Variants in FAM168A observed in about 807,000 individuals in gnomAD.
The protein encoded by FAM168A is protein FAM168A.
In FAM168A, 3 loss-of-function variants were observed where a neutral mutation model predicts 28.5. That is an observed-to-expected ratio of 0.11 (90% CI 0.05 to 0.27). The LOEUF is 0.27. Among genes scored for constraint, FAM168A ranks in the 10% least tolerant of loss-of-function variants. The pLI is 1.00. For synonymous variants in FAM168A, 122 were observed against 124.2 expected (o/e 0.98, Z 0.12); for missense variants, 222 against 311.5 (o/e 0.71, Z 2.16).
intron 2 of FAM168A, among the ~76,000 whole-genome samples, chr11:73,445,415 G>GTCTCTCTC (rs1565248220): frequency 3.1e-4 from 30 of 97,108 alleles, no homozygotes; most frequent in African/African-American, 1.1e-3. Context: ...ATGTAAAAAT[G>GTCTCTCTC]TCTCTTTTTT....
chr11:73,447,557 CAA>C (rs1183575850), intron 2 of FAM168A, among the ~76,000 whole-genome samples: 6,957 of 89,342 alleles, frequency 0.078, 592 homozygotes, highest in African/African-American at 0.24. Flanking sequence ...GACCCTGTCT[CAA>C]AAAAAAAAAA....
At chr11:73,563,148 T>C (rs998828690) in intron 1 of FAM168A, among the ~76,000 whole-genome samples, 1 of 152,232 alleles carries the variant, frequency 6.6e-6, no homozygotes, top group East Asian at 1.9e-4. Flanking sequence ...CAGGATTTCA[T>C]CCCCATCAGG....
At chr11:73,577,581 T>C (rs1944191448) in intron 1 of FAM168A, among the ~76,000 whole-genome samples, 2 of 152,216 alleles carry the variant, frequency 1.3e-5, no homozygotes, top group South Asian at 4.1e-4. Context: ...TACAATTCAC[T>C]TTCAGAATTC....
At chr11:73,542,707 T>C (rs1165872830) in intron 1 of FAM168A, among the ~76,000 whole-genome samples, 1 of 152,198 alleles carries the variant, frequency 6.6e-6, no homozygotes, top group Non-Finnish European at 1.5e-5. Flanking sequence ...GTCATTACCA[T>C]GACTTACCAG....
chr11:73,572,242 C>T (rs376431760), intron 1 of FAM168A, among the ~76,000 whole-genome samples: 2,714 of 151,606 alleles, frequency 0.018, 64 homozygotes, highest in African/African-American at 0.055. Flanking sequence ...CCGCCCCGTC[C>T]GGGAGGGAGG....
At chr11:73,576,079 A>T (rs1270516913) in intron 1 of FAM168A, among the ~76,000 whole-genome samples, 6 of 152,234 alleles carry the variant, frequency 3.9e-5, no homozygotes, top group Admixed American at 3.9e-4. Context: ...AATTTTCATC[A>T]AATATTTTGG....
chr11:73,588,521 T>A (rs775795751), intron 1 of FAM168A, among the ~76,000 whole-genome samples: 1 of 151,916 alleles, frequency 6.6e-6, no homozygotes, highest in East Asian at 1.9e-4. Flanking sequence ...TGAAATCCCG[T>A]CTCTATGAAA....
chr11:73,457,782 T>TA (rs1201147504), intron 2 of FAM168A, among the ~76,000 whole-genome samples: 2 of 135,668 alleles, frequency 1.5e-5, no homozygotes, highest in Admixed American at 1.4e-4. Flanking sequence ...AAAAAAAGGC[T>TA]AAAATGGTAA....
At position 73,497,896 on chromosome 11, in the gene FAM168A, C is replaced by T. The variant is rs532150883; in HGVS notation, c.-18-29404G>A. Among the ~76,000 whole-genome samples, 5 of 152,138 alleles carry T rather than the reference C, an allele frequency of 3.3e-5. No individual in the cohort carries two copies. The South Asian group carries it at 1.0e-3, about 32-fold the overall frequency. ...GGCACATGTACCCTAGAACTTAAAG[C>T]ATAATAAAAATAAATAAAACTCAAA... On this transcript the variant is annotated intron_variant, in intron 1 of 7. Transcript: ENST00000356467.
chr11:73,426,310 G>C (rs1413459404), intron 3 of FAM168A, among the ~76,000 whole-genome samples: 1 of 152,198 alleles, frequency 6.6e-6, no homozygotes, highest in Non-Finnish European at 1.5e-5. Context: ...ATCATTAAGA[G>C]CTTGGGAAAA....
chr11:73,424,956 C>A lies in FAM168A; in HGVS notation c.152-4957G>T, dbSNP rs1322301621. The A allele has an allele frequency of 8.3e-6, 11 of 1,330,184 alleles. No individual in the cohort carries two copies. In the Admixed American group the frequency reaches 2.7e-4, roughly 32 times the overall value. 82.4% of individuals were successfully genotyped at this position (1,330,184 alleles called of 1,614,324 possible). ...ATTTGGGGAGGAGAGGAGAGGGGAT[C>A]TACCATTGTTACGAGAGAACACATT... On this transcript the variant is annotated intron_variant, in intron 3 of 7. Coordinates refer to ENST00000356467, the MANE Select transcript of FAM168A (RefSeq NM_015159.3).
At chr11:73,583,258 A>C (rs1944271166) in intron 1 of FAM168A, among the ~76,000 whole-genome samples, 1 of 152,122 alleles carries the variant, frequency 6.6e-6, no homozygotes, top group South Asian at 2.1e-4. Flanking sequence ...AGCCGAGATC[A>C]CGCCACTGCA....
chr11:73,530,375 A>T (rs989416154), intron 1 of FAM168A, among the ~76,000 whole-genome samples: 17 of 152,204 alleles, frequency 1.1e-4, no homozygotes, highest in African/African-American at 3.6e-4. Flanking sequence ...TGCTGGAAGG[A>T]GAATACAAAG....
chr11:73,418,671 T>C (rs1866736248), intron 4 of FAM168A, among the ~76,000 whole-genome samples: 1 of 152,236 alleles, frequency 6.6e-6, no homozygotes, highest in African/African-American at 2.4e-5. Flanking sequence ...GGAATATCCC[T>C]TTGAGGGCTT....
chr11:73,467,820 C>T (rs996277743), intron 2 of FAM168A, among the ~76,000 whole-genome samples: 2 of 152,138 alleles, frequency 1.3e-5, no homozygotes, highest in Admixed American at 1.3e-4. Context: ...GTCCTGGTTA[C>T]TGGAAATTAA....
chr11:73,427,505 C>G (rs1304700201), intron 3 of FAM168A, among the ~76,000 whole-genome samples: 1 of 152,128 alleles, frequency 6.6e-6, no homozygotes, highest in Non-Finnish European at 1.5e-5. Context: ...CCCACTGATG[C>G]AACCACAATG....
At chr11:73,459,860 C>A (rs543868398) in intron 2 of FAM168A, among the ~76,000 whole-genome samples, 1 of 150,254 alleles carries the variant, frequency 6.7e-6, no homozygotes, top group Admixed American at 6.6e-5. Context: ...TGACCAGTCA[C>A]AACAGATAAT....
intron 1 of FAM168A, 133 bp from the exon 2 acceptor site, chr11:73,468,625 A>G: frequency 1.4e-6 from 1 of 695,352 alleles, no homozygotes; most frequent in Non-Finnish European, 2.4e-6. Flanking sequence ...CTAAACAAAA[A>G]AGCCAATTTG....
intron 2 of FAM168A, among the ~76,000 whole-genome samples, chr11:73,449,525 C>A (rs150908742): frequency 1.5e-3 from 234 of 152,342 alleles, no homozygotes; most frequent in Middle Eastern, 0.01. Context: ...TGGTTAGTAA[C>A]CTAAATTACA....
Sources: allele counts gnomAD v4.1 joint callset (sites outside exome capture counted in the v4.1 genomes callset), GRCh38; gene constraint gnomAD v4.1.1; transcripts MANE v1.5; gene names NCBI Gene and HGNC (gene_info 2026-07-23, HGNC 2026-07-21).